Variants in CHST9 observed in about 807,000 individuals in gnomAD.
The protein encoded by CHST9 is GalNAc-4-sulfotransferase 2.
In CHST9, 41 loss-of-function variants were observed where a neutral mutation model predicts 44.4. The ratio of observed to expected loss-of-function variants is 0.92; its 90% CI spans 0.72 to 1.20. The LOEUF (loss-of-function observed/expected upper bound fraction) is 1.20. Among genes scored for constraint, CHST9 ranks in the 50% most tolerant of loss-of-function variants. CHST9 has a pLI of 0.00. For missense variants in CHST9, 504 were observed against 516.5 expected (o/e 0.98, Z 0.23); for synonymous variants, 171 against 178.4 (o/e 0.96, Z 0.33).
chr18:27,108,611 C>A (rs1487956088), intron 2 of CHST9, among the ~76,000 whole-genome samples: 18 of 152,080 alleles, frequency 1.2e-4, no homozygotes, highest in Admixed American at 7.9e-4. Context: ...CCAAAGAATT[C>A]TTTTCTCTTC....
At chr18:27,138,277 G>A (rs1376926387) in intron 2 of CHST9, among the ~76,000 whole-genome samples, 2 of 152,132 alleles carry the variant, frequency 1.3e-5, no homozygotes, top group Non-Finnish European at 2.9e-5. Flanking sequence ...TCACCATGGT[G>A]CTCAGCACAT....
At position 26,916,545 on chromosome 18, in the gene CHST9, T is replaced by G; in HGVS notation, c.1046A>C (p.His349Pro). 6.2e-7 allele frequency: 1 copy of G among 1,613,850 alleles called. No individual in the cohort carries two copies. The highest frequency in any genetic ancestry group is 8.5e-7 in the Non-Finnish European group (1 of 1,179,776). Residue 349 changes from histidine to proline, a missense_variant, in exon 6 of 6, where the codon CAC becomes CCC. Transcript: ENST00000618847. ...DSHRPVGMDIHWEKVSKLCYP... is the reference protein window; with the variant it reads ...DSHRPVGMDIPWEKVSKLCYP... ...GCAGAGTTTGCTGACCTTTTCCCAGTGAATGTCCATTCCTACTGGACGGTG... is the reference window on the plus strand; with the variant it reads ...GCAGAGTTTGCTGACCTTTTCCCAGGGAATGTCCATTCCTACTGGACGGTG...
chr18:27,164,201 C>T (rs1335833912), intron 1 of CHST9, among the ~76,000 whole-genome samples: 1 of 150,636 alleles, frequency 6.6e-6, no homozygotes, highest in African/African-American at 2.4e-5. Flanking sequence ...CAAAACAAAA[C>T]AAAGTAAAAC....
intron 5 of CHST9, among the ~76,000 whole-genome samples, chr18:26,919,832 C>T (rs555429381): frequency 6.6e-6 from 1 of 152,244 alleles, no homozygotes; most frequent in South Asian, 2.1e-4. Flanking sequence ...TTGGCTGACT[C>T]CCAACACTCT....
intron 2 of CHST9, among the ~76,000 whole-genome samples, chr18:27,115,641 T>C (rs1178202676): frequency 1.3e-5 from 2 of 152,132 alleles, no homozygotes; most frequent in Non-Finnish European, 2.9e-5. Context: ...CAGCCTGCTG[T>C]GTAGCTGGTA....
intron 2 of CHST9, among the ~76,000 whole-genome samples, chr18:27,117,251 A>G (rs1205262721): frequency 6.6e-6 from 1 of 152,126 alleles, no homozygotes; most frequent in Non-Finnish European, 1.5e-5. Flanking sequence ...AAATTAATAA[A>G]CTAAATTTTT....
chr18:26,993,730 CACTT>C (rs1337070528), intron 4 of CHST9, among the ~76,000 whole-genome samples: 4 of 152,176 alleles, frequency 2.6e-5, no homozygotes, highest in African/African-American at 9.7e-5. Flanking sequence ...CAAAACAGAA[CACTT>C]ACTTTGTTCT....
chr18:27,083,373 T>A (rs1033015526), intron 2 of CHST9, among the ~76,000 whole-genome samples: 1 of 152,160 alleles, frequency 6.6e-6, no homozygotes, highest in Non-Finnish European at 1.5e-5. Context: ...ATTAAAACTT[T>A]GGGTGGGATG....
At chr18:27,053,251 A>AGAG (rs1555679831) in intron 2 of CHST9, among the ~76,000 whole-genome samples, 1 of 110,146 alleles carries the variant, frequency 9.1e-6, no homozygotes, top group Non-Finnish European at 2.0e-5. Flanking sequence ...AAGAAGAAGA[A>AGAG]GAAGAAGAAG....
At position 26,928,408 on chromosome 18, in the gene CHST9, A is replaced by G. The variant is rs1310143247; in HGVS notation, c.241-11058T>C. On this transcript the variant is annotated intron_variant, in intron 5 of 5. Coordinates refer to ENST00000618847, the MANE Select transcript of CHST9 (RefSeq NM_031422.6). ...AGAAAGTTGTTGTGAGGTCAGGAGCATGGTGGCTGGATAGATCTTCAAAGT... is the reference window on the plus strand; with the variant it reads ...AGAAAGTTGTTGTGAGGTCAGGAGCGTGGTGGCTGGATAGATCTTCAAAGT... The G allele has an allele frequency of 2.0e-5, 3 of 149,170 alleles. No homozygotes were observed. In the Admixed American group the frequency reaches 2.1e-4, roughly 10 times the overall value. 9.2% of individuals were successfully genotyped at this position (149,170 alleles called of 1,614,324 possible). A position where few individuals can be genotyped will look rare whatever the true frequency, so the allele number is the denominator to read the frequency against.
intron 2 of CHST9, among the ~76,000 whole-genome samples, chr18:27,109,623 G>A (rs555793092): frequency 6.6e-6 from 1 of 152,304 alleles, no homozygotes; most frequent in Admixed American, 6.5e-5. Flanking sequence ...AGGGCCATGC[G>A]CGCACTGACT....
chr18:27,091,237 C>T (rs1240637014), intron 2 of CHST9, among the ~76,000 whole-genome samples: 1 of 152,138 alleles, frequency 6.6e-6, no homozygotes, highest in East Asian at 1.9e-4. Context: ...CATGATTTGG[C>T]TCTCTGTTTG....
At chr18:26,985,907 T>C (rs1159690547) in intron 4 of CHST9, among the ~76,000 whole-genome samples, 1 of 152,216 alleles carries the variant, frequency 6.6e-6, no homozygotes, top group Non-Finnish European at 1.5e-5. Flanking sequence ...TAATTAGTTT[T>C]AGACTGGTCA....
intron 1 of CHST9, among the ~76,000 whole-genome samples, chr18:27,183,182 G>A (rs1221950807): frequency 6.6e-6 from 1 of 152,136 alleles, no homozygotes; most frequent in African/African-American, 2.4e-5. Flanking sequence ...CAAGTGCTTT[G>A]AAACTTTTAG....
intron 2 of CHST9, among the ~76,000 whole-genome samples, chr18:27,100,034 T>C (rs72884311): frequency 2.3e-4 from 24 of 103,180 alleles, no homozygotes; most frequent in African/African-American, 6.4e-4. Context: ...TATATATATA[T>C]ACACACACAC....
chr18:26,997,483 T>G (rs1465078220), intron 4 of CHST9, among the ~76,000 whole-genome samples: 1 of 152,226 alleles, frequency 6.6e-6, no homozygotes, highest in African/African-American at 2.4e-5. Context: ...GAAACCACTA[T>G]GTAGTGATGA....
At chr18:27,046,191 C>G (rs1467777814) in intron 3 of CHST9, among the ~76,000 whole-genome samples, 1 of 152,006 alleles carries the variant, frequency 6.6e-6, no homozygotes, top group Admixed American at 6.6e-5. Context: ...CTTTCCAATG[C>G]TAGAGACGTT....
At chr18:27,097,273 AAC>A (rs1438136392) in intron 2 of CHST9, among the ~76,000 whole-genome samples, 3 of 152,116 alleles carry the variant, frequency 2.0e-5, no homozygotes, top group Non-Finnish European at 4.4e-5. Flanking sequence ...ATCTATGACA[AAC>A]ACAGCCAGCA....
chr18:27,111,861 C>G (rs1423985348), intron 2 of CHST9, among the ~76,000 whole-genome samples: 1 of 152,088 alleles, frequency 6.6e-6, no homozygotes, highest in East Asian at 1.9e-4. Flanking sequence ...AGGCATTGCT[C>G]TTCTGCCCTT....
Sources: allele counts gnomAD v4.1 joint callset (sites outside exome capture counted in the v4.1 genomes callset), GRCh38; gene constraint gnomAD v4.1.1; transcripts MANE v1.5; gene names NCBI Gene and HGNC (gene_info 2026-07-23, HGNC 2026-07-21).